The following UTY variants were observed in gnomAD, a reference collection of about 807,000 sequenced individuals.
The protein encoded by UTY is histone demethylase UTY.
UTY carries 12 observed loss-of-function variants against 32.5 expected under a neutral mutation model. The observed-to-expected ratio is 0.37, with a 90% confidence interval of 0.24 to 0.60. The LOEUF is 0.60. UTY is among the 20% of genes least tolerant of loss of function. UTY has a pLI of 0.69. For missense variants in UTY, 303 were observed against 299.2 expected, an observed-to-expected ratio of 1.01 and a Z score of -0.09; for synonymous variants, 131 against 103.4, an observed-to-expected ratio of 1.27 and a Z score of -1.62.
chrY:13,442,377 G>C, intron 4 of UTY, among the ~76,000 whole-genome samples: 3 of 32,582 alleles, frequency 9.2e-5, no homozygotes, highest in African/African-American at 3.6e-4. Context: ...GACTCTCCTT[G>C]TAAGTGTAAT....
At chrY:13,281,808 T>C (rs749359717) in intron 27 of UTY, among the ~76,000 whole-genome samples, 2 of 33,109 alleles carry the variant, frequency 6.0e-5, no homozygotes, top group East Asian at 7.9e-4. Flanking sequence ...AGTACAACAA[T>C]GGCTAGAGAC....
At chrY:13,416,399 T>C in intron 4 of UTY, among the ~76,000 whole-genome samples, 1 of 34,174 alleles carries the variant, frequency 2.9e-5, no homozygotes, top group Non-Finnish European at 7.3e-5. Flanking sequence ...TTCACAATTG[T>C]TAAAAGAACA....
intron 4 of UTY, among the ~76,000 whole-genome samples, chrY:13,435,485 C>G (rs768696274): frequency 1.6e-3 from 55 of 33,985 alleles, no homozygotes; most frequent in Admixed American, 1.8e-3. Context: ...AAATAATTTA[C>G]TGTCTTTGTC....
chrY:13,305,637 T>C, intron 23 of UTY, 90 bp from the exon 24 acceptor site: 1 of 321,992 alleles, frequency 3.1e-6, no homozygotes. Flanking sequence ...AATACTTAAA[T>C]CAATAAATAT....
chrY:13,476,231 C>A, intron 2 of UTY, among the ~76,000 whole-genome samples: 3 of 33,592 alleles, frequency 8.9e-5, no homozygotes, highest in Non-Finnish European at 1.5e-4. Flanking sequence ...AATAACAACT[C>A]TAATTGTTTG....
downstream of UTY, among the ~76,000 whole-genome samples, chrY:13,234,039 G>C: frequency 8.8e-5 from 3 of 34,154 alleles, no homozygotes; most frequent in African/African-American, 3.4e-4. Flanking sequence ...TCTGTGGGTG[G>C]TGGTGCTTTT....
At chrY:13,360,578 C>G in intron 10 of UTY, 50 bp from the exon 11 acceptor site, 1 of 301,960 alleles carries the variant, frequency 3.3e-6, no homozygotes, top group Non-Finnish European at 4.9e-6. Flanking sequence ...AATTTATTTG[C>G]CAAAAAGATG....
intron 17 of UTY, among the ~76,000 whole-genome samples, chrY:13,348,131 A>G: frequency 3.0e-5 from 1 of 33,738 alleles, no homozygotes; most frequent in South Asian, 6.4e-4. Flanking sequence ...TGATTAAATA[A>G]AAAGTAAAGG....
intron 3 of UTY, among the ~76,000 whole-genome samples, chrY:13,451,189 G>C (rs1012115808): frequency 5.9e-5 from 2 of 33,619 alleles, no homozygotes; most frequent in African/African-American, 2.3e-4. Context: ...ATTTGGGGTT[G>C]TTCAAACCCA....
At chrY:13,321,847 T>C (rs952997583) in intron 21 of UTY, among the ~76,000 whole-genome samples, 7 of 32,942 alleles carry the variant, frequency 2.1e-4, no homozygotes, top group Admixed American at 8.4e-4. Context: ...CTGTCTCAGA[T>C]TTTCATGGTT....
intron 27 of UTY, among the ~76,000 whole-genome samples, chrY:13,262,215 A>G (rs2055324480): frequency 5.9e-5 from 2 of 33,716 alleles, no homozygotes; most frequent in Non-Finnish European, 1.5e-4. Flanking sequence ...TACACAAGAC[A>G]TGGAATTGGT....
intron 3 of UTY, among the ~76,000 whole-genome samples, chrY:13,469,281 G>T: frequency 1.1e-4 from 3 of 27,646 alleles, no homozygotes; most frequent in Non-Finnish European, 2.5e-4. Flanking sequence ...GCGCAATCTC[G>T]GCTCACTGCA....
intron 26 of UTY, among the ~76,000 whole-genome samples, chrY:13,298,448 T>C: frequency 5.9e-5 from 2 of 33,616 alleles, no homozygotes; most frequent in African/African-American, 1.2e-4. Flanking sequence ...AAATCATTTA[T>C]ATTTTTAAAA....
At chrY:13,317,754 T>C (rs1021443692) in intron 21 of UTY, among the ~76,000 whole-genome samples, 1 of 33,926 alleles carries the variant, frequency 2.9e-5, no homozygotes, top group Non-Finnish European at 7.3e-5. Context: ...GTTTTATTAT[T>C]TGCTTATTTT....
chrY:13,248,967 A>T lies in UTY; in HGVS notation c.*889T>A. The T allele has an allele frequency of 2.6e-5, 1 of 38,726 alleles. No homozygotes were observed. The highest frequency in any genetic ancestry group is 2.6e-4 in the Admixed American group (1 of 3,844). 9.7% of individuals were successfully genotyped at this position (38,726 alleles called of 400,897 possible). A position where few individuals can be genotyped will look rare whatever the true frequency, so the allele number is the denominator to read the frequency against. ...ATACACACACATATAAAATACATAT[A>T]ATCATTAGGTTTGAAAATGAACAAA... On this transcript the variant is annotated 3_prime_UTR_variant, in exon 30 of 30. Coordinates refer to ENST00000545955, the MANE Select transcript of UTY (RefSeq NM_001258249.2).
intron 21 of UTY, among the ~76,000 whole-genome samples, chrY:13,312,273 G>C: frequency 6.2e-5 from 2 of 32,096 alleles, no homozygotes; most frequent in Non-Finnish European, 7.7e-5. Flanking sequence ...GGCGCCTGTA[G>C]TCCCAGCTAC....
chrY:13,401,738 T>C (rs2069106798), intron 6 of UTY, among the ~76,000 whole-genome samples: 1 of 32,353 alleles, frequency 3.1e-5, no homozygotes, highest in Admixed American at 2.8e-4. Flanking sequence ...TAGCTGGGCA[T>C]AGTGGCAGGC....
intron 27 of UTY, among the ~76,000 whole-genome samples, chrY:13,264,369 G>C: frequency 3.0e-5 from 1 of 33,073 alleles, no homozygotes; most frequent in East Asian, 7.8e-4. Flanking sequence ...CACAATGGCT[G>C]AACTAATTTA....
At chrY:13,243,542 A>C (rs774298120), downstream of UTY, among the ~76,000 whole-genome samples, 2 of 33,291 alleles carry the variant, frequency 6.0e-5, no homozygotes, top group East Asian at 1.6e-3. Flanking sequence ...AAGGGGAAAA[A>C]ATATTTGCAA....
Sources: allele counts gnomAD v4.1 joint callset (sites outside exome capture counted in the v4.1 genomes callset), GRCh38; gene constraint gnomAD v4.1.1; transcripts MANE v1.5; gene names NCBI Gene and HGNC (gene_info 2026-07-23, HGNC 2026-07-21).